Variants in TMCC1 observed in about 807,000 individuals in gnomAD.
The protein encoded by TMCC1 is transmembrane and coiled-coil domain family 1, also known as transmembrane and coiled-coil domains protein 1.
In TMCC1, 15 loss-of-function variants were observed where a neutral mutation model predicts 52.4. The observed-to-expected ratio is 0.29, with a 90% CI of 0.19 to 0.44. TMCC1 has a LOEUF of 0.44. Ranked by LOEUF, TMCC1 falls within the 20% of genes least tolerant of loss-of-function variation. The pLI is 1.00. For synonymous variants in TMCC1, 279 were observed against 301.9 expected, an observed-to-expected ratio of 0.92 and a Z score of 0.79; for missense variants, 503 against 806.0, an observed-to-expected ratio of 0.62 and a Z score of 4.55.
In TMCC1 at chr3:129,670,710, C is replaced by T. The variant is rs756891370; in HGVS notation, c.1131G>A (p.Arg377=). The change falls in exon 5 of 7, where the codon CGG becomes CGA. Residue 377 remains arginine (R), a synonymous_variant. Coordinates refer to ENST00000393238, the MANE Select transcript of TMCC1 (RefSeq NM_001017395.5). ...SKPREIASLI[R]NKFGSADNIP... ...TGTTGTCTGCACTGCCAAATTTGTT[C>T]CGAATGAGTGAGGCAATCTCTCTGG... 2 of 1,614,192 alleles carry T rather than the reference C, an allele frequency of 1.2e-6. No individual in the cohort carries two copies. Among genetic ancestry groups the T allele is most frequent in the South Asian group, 1.1e-5 (1 of 91,086 alleles).
Position 129,854,146 on chromosome 3 carries a change from C to G in TMCC1, c.-183-21320G>C, listed in dbSNP as rs1032792939. ...GGGTGTGGTGGCTCACATCCCAGCACTTTGGGAGGCTGAGGTAGGTGGATC... is the reference window on the plus strand; with the variant it reads ...GGGTGTGGTGGCTCACATCCCAGCAGTTTGGGAGGCTGAGGTAGGTGGATC... On this transcript the variant is annotated intron_variant, in intron 2 of 6. Transcript: ENST00000393238. 2.0e-5 allele frequency among the ~76,000 whole-genome samples: 3 copies of G among 152,060 alleles called. No individual in the cohort carries two copies. The South Asian group carries it at 6.2e-4, about 31-fold the overall frequency.
intron 4 of TMCC1, among the ~76,000 whole-genome samples, chr3:129,765,937 A>G (rs1056238378): frequency 1.3e-5 from 2 of 152,142 alleles, no homozygotes; most frequent in Non-Finnish European, 2.9e-5. Context: ...AGGAAGATAG[A>G]TCACCTACAT....
At chr3:129,752,681 C>CAA (rs919786164) in intron 4 of TMCC1, among the ~76,000 whole-genome samples, 11 of 151,762 alleles carry the variant, frequency 7.2e-5, no homozygotes, top group South Asian at 6.3e-4. Flanking sequence ...CACACACACA[C>CAA]AAAAACTAAT....
At chr3:129,882,629 T>C (rs997290312) in intron 1 of TMCC1, among the ~76,000 whole-genome samples, 4 of 152,194 alleles carry the variant, frequency 2.6e-5, no homozygotes, top group Admixed American at 2.0e-4. Flanking sequence ...CATATGTCCA[T>C]GAACAGATGC....
chr3:129,845,556 G>T (rs2059625830), intron 2 of TMCC1, among the ~76,000 whole-genome samples: 1 of 152,100 alleles, frequency 6.6e-6, no homozygotes. Context: ...TATCATTGAA[G>T]TATATAAATC....
In TMCC1 at chr3:129,798,945, TAAC is replaced by T. The variant is rs951439210; in HGVS notation, c.576+28855_576+28857del. On this transcript the variant is annotated intron_variant, in intron 4 of 6. Coordinates refer to ENST00000393238, the MANE Select transcript of TMCC1 (RefSeq NM_001017395.5). ...ATTCTTTTGGCAATCCCACAATAAA[TAAC>T]AATACAGATAGCATATTTTATTATA... is the stretch of plus-strand genomic sequence containing the variant. Among the ~76,000 whole-genome samples, 47 of 152,284 alleles carry T rather than the reference TAAC, an allele frequency of 3.1e-4. 1 individual carries two copies. Among genetic ancestry groups the T allele is most frequent in the African/African-American group, 1.1e-3 (45 of 41,570 alleles).
intron 4 of TMCC1, among the ~76,000 whole-genome samples, chr3:129,764,149 C>A (rs1032444150): frequency 6.6e-6 from 1 of 152,140 alleles, no homozygotes; most frequent in African/African-American, 2.4e-5. Context: ...AAAATTAATT[C>A]TTTCAAAACT....
chr3:129,821,204 T>TC (rs2107817308), intron 4 of TMCC1, among the ~76,000 whole-genome samples: 1 of 152,328 alleles, frequency 6.6e-6, no homozygotes, highest in South Asian at 2.1e-4. Context: ...TATTGAGGCA[T>TC]CTGTGCTGTA....
At chr3:129,848,176 A>G (rs1014017521) in intron 2 of TMCC1, among the ~76,000 whole-genome samples, 24 of 152,216 alleles carry the variant, frequency 1.6e-4, no homozygotes, top group African/African-American at 5.8e-4. Flanking sequence ...AATCCAATTT[A>G]GCGATTTTTT....
intron 2 of TMCC1, among the ~76,000 whole-genome samples, chr3:129,877,328 T>C (rs183509093): frequency 3.3e-4 from 51 of 152,328 alleles, no homozygotes; most frequent in Middle Eastern, 3.4e-3. Flanking sequence ...CTTGAAACAC[T>C]TTCCTCATTA....
chr3:129,796,680 G>A (rs773217363), intron 4 of TMCC1, among the ~76,000 whole-genome samples: 1 of 152,036 alleles, frequency 6.6e-6, no homozygotes, highest in Non-Finnish European at 1.5e-5. Context: ...AAGAAAATTA[G>A]CTAGGTTTGG....
chr3:129,840,748 C>T (rs948664164), intron 2 of TMCC1, among the ~76,000 whole-genome samples: 1 of 152,224 alleles, frequency 6.6e-6, no homozygotes, highest in Non-Finnish European at 1.5e-5. Flanking sequence ...TCTTCCCCTT[C>T]ACCTTCTGCG....
intron 2 of TMCC1, among the ~76,000 whole-genome samples, chr3:129,849,635 G>A (rs566861521): frequency 1.0e-3 from 153 of 150,918 alleles, no homozygotes; most frequent in African/African-American, 3.4e-3. Flanking sequence ...GGGTGGTGGC[G>A]GGCACCTGTA....
At chr3:129,886,132 C>A (rs571828055) in intron 1 of TMCC1, among the ~76,000 whole-genome samples, 2 of 152,196 alleles carry the variant, frequency 1.3e-5, no homozygotes, top group African/African-American at 4.8e-5. Context: ...TGAGAGACCA[C>A]TTGCTGCTCT....
intron 4 of TMCC1, among the ~76,000 whole-genome samples, chr3:129,798,059 G>C (rs1237983140): frequency 6.8e-6 from 1 of 146,438 alleles, no homozygotes; most frequent in Non-Finnish European, 1.5e-5. Flanking sequence ...GCAATGGCAT[G>C]GTCTCAGCTC....
At chr3:129,792,307 A>G (rs1005545269) in intron 4 of TMCC1, among the ~76,000 whole-genome samples, 1 of 151,902 alleles carries the variant, frequency 6.6e-6, no homozygotes, top group Non-Finnish European at 1.5e-5. Context: ...CAGGTAACCT[A>G]TGGATTTAGC....
chr3:129,686,487 T>C (rs1029339400), intron 4 of TMCC1, among the ~76,000 whole-genome samples: 1 of 152,206 alleles, frequency 6.6e-6, no homozygotes, highest in Non-Finnish European at 1.5e-5. Flanking sequence ...GTGCTTATCC[T>C]ATTTTTTCTC....
intron 4 of TMCC1, among the ~76,000 whole-genome samples, chr3:129,736,901 G>C (rs984978523): frequency 3.9e-5 from 6 of 152,000 alleles, no homozygotes; most frequent in Non-Finnish European, 7.4e-5. Context: ...AACCAGAAAA[G>C]ATGTTATAAT....
intron 4 of TMCC1, among the ~76,000 whole-genome samples, chr3:129,764,119 G>T (rs1183861005): frequency 6.6e-6 from 1 of 152,130 alleles, no homozygotes; most frequent in Non-Finnish European, 1.5e-5. Context: ...ATGAGCTACT[G>T]ATCTCATCTC....
Sources: gnomAD v4.1 joint callset for allele counts (sites outside exome capture counted in the v4.1 genomes callset) on GRCh38, gnomAD v4.1.1 for gene constraint, MANE v1.5 for transcripts, NCBI Gene and HGNC (gene_info 2026-07-23, HGNC 2026-07-21) for gene names.